ALK: variants seen among roughly 807,000 people sequenced by gnomAD.
ALK encodes ALK tyrosine kinase receptor.
A neutral mutation model predicts 163.1 loss-of-function variants in ALK; 74 were observed. That is an observed-to-expected ratio of 0.45 (90% CI 0.38 to 0.55). The LOEUF is 0.55. Among genes scored for constraint, ALK ranks in the 20% least tolerant of loss-of-function variants. The pLI is 0.00. For synonymous variants in ALK, 960 were observed against 843.2 expected (o/e 1.14, Z -2.40); for missense variants, 2,063 against 2,105.3 (o/e 0.98, Z 0.39).
rs1273734790 is a variant in ALK, at chr2:29,234,718, T to C, written c.2356-1022A>G. ...AGTACAAGTACTACCCTCAGGCATC[T>C]AGTGGAGCGCCTCACACATGGTGGG... On this transcript the variant is annotated intron_variant, in intron 13 of 28. Coordinates refer to ENST00000389048, the MANE Select transcript of ALK (RefSeq NM_004304.5). Among the ~76,000 whole-genome samples, 2 of 152,140 alleles carry C rather than the reference T, an allele frequency of 1.3e-5. 1 individual carries two copies. The highest frequency in any genetic ancestry group is 4.8e-5 in the African/African-American group (2 of 41,432).
At chr2:29,477,951 C>T (rs942869114) in intron 4 of ALK, among the ~76,000 whole-genome samples, 25 of 152,310 alleles carry the variant, frequency 1.6e-4, no homozygotes, top group African/African-American at 5.8e-4. Context: ...CAGCAGATAA[C>T]ACGTTGATTT....
intron 4 of ALK, among the ~76,000 whole-genome samples, chr2:29,494,031 C>G (rs1030623292): frequency 6.6e-6 from 1 of 152,202 alleles, no homozygotes; most frequent in Non-Finnish European, 1.5e-5. Flanking sequence ...GCAGGTTGCT[C>G]AGTGTCTGAG....
chr2:29,717,171 C>CAAAAAAAAAA (rs754615995), intron 2 of ALK, among the ~76,000 whole-genome samples: 1 of 70,580 alleles, frequency 1.4e-5, no homozygotes, highest in Non-Finnish European at 2.5e-5. Flanking sequence ...GACTCTGTCT[C>CAAAAAAAAAA]AAAAAAAAAA....
chr2:29,285,809 T>C (rs145520138), intron 9 of ALK, among the ~76,000 whole-genome samples: 1,526 of 150,556 alleles, frequency 0.01, 34 homozygotes, highest in African/African-American at 0.034. Context: ...GTGATCTGCC[T>C]GCCTTGGCCT....
chr2:29,658,806 A>T (rs142348367), intron 3 of ALK, among the ~76,000 whole-genome samples: 2 of 152,318 alleles, frequency 1.3e-5, no homozygotes, highest in Non-Finnish European at 2.9e-5. Flanking sequence ...TATTTATTAC[A>T]TACTCACCCC....
rs146673665 is a variant in ALK, at chr2:29,568,394, TACA to T, written c.953-36281_953-36279del. Among the ~76,000 whole-genome samples the T allele has an allele frequency of 9.3e-4, 141 of 152,330 alleles. 2 individuals carry two copies. In the East Asian group the frequency reaches 0.018, roughly 19 times the overall value. ...TTCCATTGCCACATTCTGTAGTGGC[TACA>T]ACAAGTGTCACTGCCGAAATCTAGC... On this transcript the variant is annotated intron_variant, in intron 3 of 28. Transcript: ENST00000389048.
intron 6 of ALK, among the ~76,000 whole-genome samples, chr2:29,325,411 C>T (rs1458852377): frequency 1.3e-5 from 2 of 152,228 alleles, no homozygotes; most frequent in Middle Eastern, 3.2e-3. Flanking sequence ...GTGCCAGGAG[C>T]TGCTCCAAAC....
chr2:29,496,474 T>C (rs568991643), intron 4 of ALK, among the ~76,000 whole-genome samples: 1 of 152,304 alleles, frequency 6.6e-6, no homozygotes, highest in Admixed American at 6.5e-5. Context: ...CTATAGATCT[T>C]TATGTTTTTT....
In ALK at chr2:29,902,274, C is replaced by T. The variant is rs148249691; in HGVS notation, c.667+17719G>A. Among the ~76,000 whole-genome samples, 270 of 152,296 alleles carry T rather than the reference C, an allele frequency of 1.8e-3. 1 individual carries two copies. The highest frequency in any genetic ancestry group is 6.0e-3 in the African/African-American group (248 of 41,554). On this transcript the variant is annotated intron_variant, in intron 1 of 28. Coordinates refer to ENST00000389048, the MANE Select transcript of ALK (RefSeq NM_004304.5). ...TTCTATCAAATGACCCATTATTATT[C>T]TAATCTTGCTGGCAAAAAGTGCTAG...
chr2:29,813,028 G>A (rs1015997685), intron 1 of ALK, among the ~76,000 whole-genome samples: 13 of 152,230 alleles, frequency 8.5e-5, no homozygotes, highest in African/African-American at 2.9e-4. Context: ...ACCTGGGTAT[G>A]ACAGATTGTG....
intron 3 of ALK, among the ~76,000 whole-genome samples, chr2:29,611,095 G>T (rs1675678925): frequency 6.6e-6 from 1 of 152,168 alleles, no homozygotes; most frequent in African/African-American, 2.4e-5. Context: ...TGGGAATGTT[G>T]CCCATCAGAC....
intron 6 of ALK, among the ~76,000 whole-genome samples, chr2:29,327,533 T>C (rs546568578): frequency 1.6e-4 from 25 of 152,122 alleles, no homozygotes; most frequent in African/African-American, 5.5e-4. Flanking sequence ...GAAACAAAGA[T>C]TAGTGGTTGG....
intron 3 of ALK, among the ~76,000 whole-genome samples, chr2:29,673,894 A>G (rs1482580765): frequency 6.6e-6 from 1 of 150,956 alleles, no homozygotes; most frequent in Admixed American, 6.6e-5. Context: ...GTTCCTTCAC[A>G]TCCCTTGTAA....
chr2:29,685,358 C>A (rs1188958264), intron 3 of ALK, among the ~76,000 whole-genome samples: 1 of 152,162 alleles, frequency 6.6e-6, no homozygotes, highest in Non-Finnish European at 1.5e-5. Flanking sequence ...AGGACCCTCC[C>A]TGGAGGTGCT....
intron 5 of ALK, among the ~76,000 whole-genome samples, chr2:29,345,098 GA>G (rs1351790294): frequency 2.6e-5 from 4 of 152,240 alleles, no homozygotes; most frequent in African/African-American, 9.6e-5. Flanking sequence ...GCAAAGACTT[GA>G]AAATAATACC....
intron 4 of ALK, among the ~76,000 whole-genome samples, chr2:29,388,822 A>T (rs1236182665): frequency 6.6e-6 from 1 of 152,244 alleles, no homozygotes; most frequent in Admixed American, 6.5e-5. Context: ...AGTAGCAGCC[A>T]TCACGTTTGT....
At chr2:29,277,070 G>C (rs1465874701) in intron 9 of ALK, among the ~76,000 whole-genome samples, 2 of 152,182 alleles carry the variant, frequency 1.3e-5, no homozygotes, top group African/African-American at 4.8e-5. Flanking sequence ...GGCCACATAG[G>C]GTGTCAAGAG....
At chr2:29,291,026 A>G (rs192829931) in intron 9 of ALK, among the ~76,000 whole-genome samples, 1 of 152,282 alleles carries the variant, frequency 6.6e-6, no homozygotes, top group Admixed American at 6.5e-5. Flanking sequence ...TGGATAAGAG[A>G]TGTGGCCTAA....
chr2:29,319,963 G>A (rs1283579046), intron 7 of ALK, among the ~76,000 whole-genome samples: 1 of 152,238 alleles, frequency 6.6e-6, no homozygotes, highest in African/African-American at 2.4e-5. Flanking sequence ...TCAGCCCTAT[G>A]CTGCAGAGAG....
Sources: allele counts gnomAD v4.1 joint callset (sites outside exome capture counted in the v4.1 genomes callset), GRCh38; gene constraint gnomAD v4.1.1; transcripts MANE v1.5; gene names NCBI Gene and HGNC (gene_info 2026-07-23, HGNC 2026-07-21).